The following PCSK5 variants were observed in gnomAD, a reference collection of about 807,000 sequenced individuals.
The protein encoded by PCSK5 is prohormone convertase 5.
Under a neutral mutation model 233.2 loss-of-function variants are expected in PCSK5, and 129 were observed. That is an observed-to-expected ratio of 0.55 (90% CI 0.48 to 0.64). PCSK5 has a LOEUF of 0.64. Ranked by LOEUF, PCSK5 falls within the 30% of genes least tolerant of loss-of-function variation. The pLI is 0.00. For synonymous variants in PCSK5, 825 were observed against 879.2 expected (o/e 0.94, Z 1.09); for missense variants, 2,076 against 2,430.1 (o/e 0.85, Z 3.06).
At chr9:75,936,120 A>T (rs1231485850) in intron 2 of PCSK5, among the ~76,000 whole-genome samples, 1 of 152,200 alleles carries the variant, frequency 6.6e-6, no homozygotes, top group East Asian at 1.9e-4. Context: ...TACCTTAATT[A>T]AAAAATACTT....
chr9:76,235,458 A>C (rs1826224117), intron 22 of PCSK5, among the ~76,000 whole-genome samples: 1 of 152,158 alleles, frequency 6.6e-6, no homozygotes, highest in African/African-American at 2.4e-5. Flanking sequence ...CAATCTACCT[A>C]TAAATGCACT....
chr9:76,134,261 C>A, intron 10 of PCSK5, 49 bp downstream of exon 10: 3 of 1,207,756 alleles, frequency 2.5e-6, no homozygotes, highest in South Asian at 1.3e-5. Flanking sequence ...TTTTATTTTT[C>A]CCCCATTTTA....
At chr9:75,977,386 A>AC (rs1489800144) in intron 2 of PCSK5, among the ~76,000 whole-genome samples, 1 of 84,990 alleles carries the variant, frequency 1.2e-5, no homozygotes, top group African/African-American at 4.6e-5. Context: ...CCCGCCCCCC[A>AC]CCCGCCACAT....
intron 21 of PCSK5, among the ~76,000 whole-genome samples, chr9:76,231,800 G>C (rs1826094939): frequency 6.6e-6 from 1 of 152,146 alleles, no homozygotes; most frequent in African/African-American, 2.4e-5. Context: ...GATCTGTTTT[G>C]ACATGGACAG....
rs891022453 is a variant in PCSK5 at position 76,285,411 on chromosome 9, G to A, written c.3143-6822G>A. ...AACCTAAGGAGTCTAGAACACTTGA[G>A]AAGAGAGTGAGAGAGGTGAGAGCCT... On this transcript the variant is annotated intron_variant, in intron 24 of 37. Coordinates refer to ENST00000674117, the MANE Select transcript of PCSK5 (RefSeq NM_001372043.1). Among the ~76,000 whole-genome samples the A allele has an allele frequency of 3.9e-5, 6 of 152,310 alleles. No homozygotes were observed. In the East Asian group the frequency reaches 5.8e-4, roughly 15 times the overall value.
chr9:76,297,773 T>C (rs1587846598), intron 27 of PCSK5, among the ~76,000 whole-genome samples: 1 of 151,896 alleles, frequency 6.6e-6, no homozygotes, highest in African/African-American at 2.4e-5. Context: ...CCGAAGAGAG[T>C]GCTGTACAGG....
chr9:75,987,717 T>C (rs926651181), intron 3 of PCSK5, among the ~76,000 whole-genome samples: 2 of 152,162 alleles, frequency 1.3e-5, no homozygotes, highest in African/African-American at 2.4e-5. Flanking sequence ...TTAGCCCCAG[T>C]AGCCGCAAAG....
In PCSK5 at chr9:76,332,430, C is replaced by T. The variant is rs1199973837; in HGVS notation, c.4571-3C>T. 6.2e-7 allele frequency: 1 copy of T among 1,608,252 alleles called. No homozygotes were observed. The highest frequency in any genetic ancestry group is 8.5e-7 in the Non-Finnish European group (1 of 1,177,378). ...CAAATAGACATTTTTTCTCCCATGA[C>T]AGACACAACCTGTGTGAAGGACTGC... On this transcript the variant is annotated splice_region_variant and splice_polypyrimidine_tract_variant and intron_variant, in intron 33 of 37. Coordinates refer to ENST00000674117, the MANE Select transcript of PCSK5 (RefSeq NM_001372043.1).
chr9:76,349,758 A>G (rs1830071191), intron 35 of PCSK5, among the ~76,000 whole-genome samples: 1 of 152,222 alleles, frequency 6.6e-6, no homozygotes, highest in Admixed American at 6.5e-5. Flanking sequence ...ATTATCAGCA[A>G]AAATGTCCAG....
intron 25 of PCSK5, among the ~76,000 whole-genome samples, chr9:76,293,523 C>T (rs774865108): frequency 2.0e-5 from 3 of 152,210 alleles, no homozygotes; most frequent in Non-Finnish European, 4.4e-5. Context: ...GATGTCAGCT[C>T]ACTGCAACCT....
At chr9:76,027,814 C>T (rs1434203025) in intron 5 of PCSK5, among the ~76,000 whole-genome samples, 5 of 152,168 alleles carry the variant, frequency 3.3e-5, no homozygotes, top group African/African-American at 1.2e-4. Context: ...TGAAGCTCCT[C>T]AGGATAATGC....
In PCSK5 at chr9:76,109,432, A is replaced by ATT. The variant is rs869255908; in HGVS notation, c.1208+2087_1208+2088dup. On this transcript the variant is annotated intron_variant, in intron 9 of 37. Coordinates refer to ENST00000674117, the MANE Select transcript of PCSK5 (RefSeq NM_001372043.1). ...TTTGAGATATTACTGTAACACTATT[A>ATT]TTTTTTTAAAAAAAAAACAGTTCTT... Among the ~76,000 whole-genome samples, 40 of 26,928 alleles carry ATT rather than the reference A, an allele frequency of 1.5e-3. No individual in the cohort carries two copies. In the East Asian group the frequency reaches 0.04, roughly 27 times the overall value. 17.7% of individuals were successfully genotyped at this position (26,928 alleles called of 152,430 possible).
chr9:76,153,129 G>GTT, intron 10 of PCSK5, among the ~76,000 whole-genome samples: 1 of 152,122 alleles, frequency 6.6e-6, no homozygotes, highest in Non-Finnish European at 1.5e-5. Context: ...CAAAATGTAA[G>GTT]CAGCCCTGAA....
intron 5 of PCSK5, among the ~76,000 whole-genome samples, chr9:76,061,415 GT>G (rs1157833664): frequency 6.6e-6 from 1 of 152,058 alleles, no homozygotes; most frequent in Non-Finnish European, 1.5e-5. Flanking sequence ...CAAGTAAGTC[GT>G]GGGCCAAATA....
At chr9:76,268,233 G>T (rs896227669) in intron 24 of PCSK5, among the ~76,000 whole-genome samples, 1 of 152,268 alleles carries the variant, frequency 6.6e-6, no homozygotes, top group Non-Finnish European at 1.5e-5. Context: ...GCCACTTTTG[G>T]AGCAGAATGA....
rs944672527 is a variant in PCSK5 at position 76,286,943 on chromosome 9, A to C, written c.3143-5290A>C. ...GCCACTTGTGCAGCCTGCCCTGTGG[A>C]AACCTGGATGAAAGCACACCGCTGT... is the stretch of plus-strand genomic sequence containing the variant. On this transcript the variant is annotated intron_variant, in intron 24 of 37. Transcript: ENST00000674117. 3.3e-5 allele frequency: 8 copies of C among 239,404 alleles called. No homozygotes were observed. In the Admixed American group the frequency reaches 4.2e-4, roughly 12 times the overall value. 14.8% of individuals were successfully genotyped at this position (239,404 alleles called of 1,614,324 possible). A position where few individuals can be genotyped will look rare whatever the true frequency, so the allele number is the denominator to read the frequency against.
rs1829243096 is a variant in PCSK5, at chr9:76,322,704, A to G, written c.4103-348A>G. On this transcript the variant is annotated intron_variant, in intron 31 of 37. Coordinates refer to ENST00000674117, the MANE Select transcript of PCSK5 (RefSeq NM_001372043.1). ...GAAAACAGTGTGAGGTTCTCAATACAATTTTTTAAATCTGTTAATGCTCTT... is the reference window on the plus strand; with the variant it reads ...GAAAACAGTGTGAGGTTCTCAATACGATTTTTTAAATCTGTTAATGCTCTT... Among the ~76,000 whole-genome samples, 7 of 152,378 alleles carry G rather than the reference A, an allele frequency of 4.6e-5. No individual in the cohort carries two copies. In the South Asian group the frequency reaches 1.4e-3, roughly 32 times the overall value.
chr9:75,997,514 G>A lies in PCSK5; in HGVS notation c.411+11269G>A, dbSNP rs138379223. ...CAGCCTAAGGTTGAGATTGTAGACTGGTGGTGGATAGTCCAAAATGCAGAT... is the reference window on the plus strand; with the variant it reads ...CAGCCTAAGGTTGAGATTGTAGACTAGTGGTGGATAGTCCAAAATGCAGAT... On this transcript the variant is annotated intron_variant, in intron 3 of 37. Coordinates refer to ENST00000674117, the MANE Select transcript of PCSK5 (RefSeq NM_001372043.1). Among the ~76,000 whole-genome samples, 5 of 152,290 alleles carry A rather than the reference G, an allele frequency of 3.3e-5. No individual in the cohort carries two copies. In the East Asian group the frequency reaches 9.7e-4, roughly 29 times the overall value.
chr9:76,281,836 A>T (rs1328430238), intron 24 of PCSK5, among the ~76,000 whole-genome samples: 5 of 151,900 alleles, frequency 3.3e-5, no homozygotes, highest in Non-Finnish European at 2.9e-5. Flanking sequence ...TTTTATAGAG[A>T]TGGGGTTTTG....
Sources: gnomAD v4.1 joint callset for allele counts (sites outside exome capture counted in the v4.1 genomes callset) on GRCh38, gnomAD v4.1.1 for gene constraint, MANE v1.5 for transcripts, NCBI Gene and HGNC (gene_info 2026-07-23, HGNC 2026-07-21) for gene names.